Variants in ARHGEF10 observed in about 807,000 individuals in gnomAD.
ARHGEF10 encodes Rho guanine nucleotide exchange factor 10.
In ARHGEF10, 140 loss-of-function variants were observed where a neutral mutation model predicts 147.4. The observed-to-expected ratio is 0.95, with a 90% CI of 0.83 to 1.09. The LOEUF (loss-of-function observed/expected upper bound fraction) is 1.09. ARHGEF10 is among the 50% of genes least tolerant of loss of function. The probability of loss-of-function intolerance (pLI) is 0.00; values close to 1 mark genes in which losing one functional copy is unlikely to be tolerated. For synonymous variants in ARHGEF10, 902 were observed against 695.8 expected (o/e 1.30, Z -4.67); for missense variants, 2,222 against 1,752.7 (o/e 1.27, Z -4.78).
chr8:1,895,419 T>C (rs1479299323), intron 13 of ARHGEF10, among the ~76,000 whole-genome samples: 1 of 152,240 alleles, frequency 6.6e-6, no homozygotes, highest in Non-Finnish European at 1.5e-5. Context: ...GTGAAATGTT[T>C]TCCTATATAG....
chr8:1,865,979 A>C lies in ARHGEF10; in HGVS notation c.546-547A>C, dbSNP rs939168142. ...CTGACCTCATCATCCTTCCGAGTGG[A>C]GCATTCCCGTAGCTACCCATTGCAA... On this transcript the variant is annotated intron_variant, in intron 5 of 28. Transcript: ENST00000349830. 4.6e-5 allele frequency among the ~76,000 whole-genome samples: 7 copies of C among 152,136 alleles called. 1 individual carries two copies. In the East Asian group the frequency reaches 7.7e-4, roughly 17 times the overall value.
rs55816869 is a variant in ARHGEF10 at position 1,889,592 on chromosome 8, A to T, written c.1182+3885A>T. ...CACTGAGTGGGGTGAGGGGTTTGTG[A>T]GGAGACACTGAGTGTGGGTGAGGGG... On this transcript the variant is annotated intron_variant, in intron 11 of 28. Transcript: ENST00000349830. 5.2e-4 allele frequency among the ~76,000 whole-genome samples: 27 copies of T among 52,222 alleles called. 8 individuals are homozygous for T. The highest frequency in any genetic ancestry group is 3.4e-3 in the African/African-American group (27 of 7,930). 34.3% of individuals were successfully genotyped at this position (52,222 alleles called of 152,430 possible).
At chr8:1,927,474 G>A (rs1812775273) in intron 23 of ARHGEF10, 1 of 151,970 alleles carries the variant, frequency 6.6e-6, no homozygotes, top group African/African-American at 2.4e-5. Flanking sequence ...AGTGCTTTCT[G>A]TTTACAGGGA....
At chr8:1,840,899 C>T (rs1217550832) in intron 1 of ARHGEF10, among the ~76,000 whole-genome samples, 3 of 152,206 alleles carry the variant, frequency 2.0e-5, no homozygotes, top group African/African-American at 2.4e-5. Flanking sequence ...TACCGCCTCA[C>T]GGGTGCGCTG....
intron 22 of ARHGEF10, among the ~76,000 whole-genome samples, chr8:1,925,678 AG>A (rs1195270469): frequency 1.3e-5 from 2 of 152,218 alleles, no homozygotes; most frequent in Non-Finnish European, 2.9e-5. Context: ...TGTTAGTTAA[AG>A]AGGGGACACG....
chr8:1,934,052 T>G, intron 26 of ARHGEF10, 110 bp downstream of exon 26: 1 of 1,469,446 alleles, frequency 6.8e-7, no homozygotes, highest in Non-Finnish European at 9.4e-7. Context: ...AATTTCCTTC[T>G]AGCCGGGCAC....
intron 6 of ARHGEF10, among the ~76,000 whole-genome samples, chr8:1,868,120 G>A (rs571872034): frequency 6.6e-6 from 1 of 152,284 alleles, no homozygotes; most frequent in South Asian, 2.1e-4. Context: ...TTATCTAAGA[G>A]GAGTAGAAAT....
chr8:1,861,104 C>T lies in ARHGEF10; in HGVS notation c.481+920C>T, dbSNP rs576182984. Among the ~76,000 whole-genome samples, 15 of 152,348 alleles carry T rather than the reference C, an allele frequency of 9.8e-5. No individual in the cohort carries two copies. The South Asian group carries it at 3.1e-3, about 32-fold the overall frequency. On this transcript the variant is annotated intron_variant, in intron 4 of 28. Transcript: ENST00000349830. The stretch of plus-strand genomic sequence containing the variant: ...TGGGTGCCCTCGTGGGTGCCTCGCT[C>T]ACCTCCGGTCTCTGTGTCCTCAGCG...
intron 17 of ARHGEF10, among the ~76,000 whole-genome samples, 169 bp from the exon 18 acceptor site, chr8:1,909,126 C>T (rs1481906624): frequency 6.6e-6 from 1 of 152,150 alleles, no homozygotes; most frequent in Non-Finnish European, 1.5e-5. Context: ...TTTATGGCAG[C>T]AAGTGGGGAC....
At chr8:1,893,453 C>T (rs1431867063) in intron 11 of ARHGEF10, 116 bp from the exon 12 acceptor site, 3 of 736,270 alleles carry the variant, frequency 4.1e-6, no homozygotes, top group Middle Eastern at 2.5e-4. Context: ...TACCCTTGTG[C>T]ACTGTTTTCT....
chr8:1,921,923 G>C (rs148250552), intron 18 of ARHGEF10, among the ~76,000 whole-genome samples: 122 of 152,080 alleles, frequency 8.0e-4, no homozygotes, highest in African/African-American at 2.9e-3. Flanking sequence ...TTGAATTTTG[G>C]CTCCTTCTCT....
intron 2 of ARHGEF10, among the ~76,000 whole-genome samples, chr8:1,843,868 G>A (rs1353300304): frequency 1.3e-5 from 2 of 152,162 alleles, no homozygotes; most frequent in African/African-American, 4.8e-5. Context: ...GGCCGCTCAG[G>A]GACAAGCACG....
chr8:1,881,553 G>A (rs1457597306), intron 9 of ARHGEF10, among the ~76,000 whole-genome samples: 1 of 152,226 alleles, frequency 6.6e-6, no homozygotes, highest in Non-Finnish European at 1.5e-5. Flanking sequence ...GGAGATGCAG[G>A]AGCAGGGGAG....
intron 27 of ARHGEF10, 163 bp downstream of exon 27, chr8:1,945,818 G>A (rs1814532688): frequency 1.8e-6 from 2 of 1,105,280 alleles, no homozygotes; most frequent in South Asian, 2.6e-5. Flanking sequence ...AGACGTGGGA[G>A]TACGGAGCAT....
At chr8:1,849,945 C>T (rs1354535347) in intron 2 of ARHGEF10, among the ~76,000 whole-genome samples, 14 of 127,968 alleles carry the variant, frequency 1.1e-4, no homozygotes, top group Admixed American at 9.1e-4. Context: ...TGCGTGGACA[C>T]AGAGGGCAAA....
At chr8:1,890,572 AGTGTGTAAGGG>A in intron 11 of ARHGEF10, among the ~76,000 whole-genome samples, 2 of 141,128 alleles carry the variant, frequency 1.4e-5, no homozygotes, top group African/African-American at 5.5e-5. Flanking sequence ...GGAGTCACTG[AGTGTGTAAGGG>A]TCTGTGAGGA....
chr8:1,938,616 A>G (rs1813814879), intron 26 of ARHGEF10, among the ~76,000 whole-genome samples: 1 of 152,218 alleles, frequency 6.6e-6, no homozygotes, highest in African/African-American at 2.4e-5. Flanking sequence ...AATTCTTGTC[A>G]TTGTGTAGAA....
chr8:1,832,995 CAGAGACAGGCAGAG>C (rs1803303729), intron 1 of ARHGEF10, among the ~76,000 whole-genome samples: 1 of 47,282 alleles, frequency 2.1e-5, no homozygotes. Flanking sequence ...GAGACAGAGG[CAGAGACAGGCAGAG>C]AGAGACAGAG....
rs549904280 is a variant in ARHGEF10, at chr8:1,941,862, TCAACAGGTGCTGCTGGCA to T, written c.3223-3596_3223-3579del. 4.4e-3 allele frequency among the ~76,000 whole-genome samples: 673 copies of T among 152,288 alleles called. 2 individuals carry two copies. The highest frequency in any genetic ancestry group is 0.014 in the African/African-American group (571 of 41,550). ...TCCATTTGAATGTTGAATGGCCTCT[TCAACAGGTGCTGCTGGCA>T]CAACAGGTGCTGCTGGCACAACTTC... On this transcript the variant is annotated intron_variant, in intron 26 of 28. Coordinates refer to ENST00000349830, the MANE Select transcript of ARHGEF10 (RefSeq NM_014629.4).
Sources: gnomAD v4.1 joint callset for allele counts (sites outside exome capture counted in the v4.1 genomes callset) on GRCh38, gnomAD v4.1.1 for gene constraint, MANE v1.5 for transcripts, NCBI Gene and HGNC (gene_info 2026-07-23, HGNC 2026-07-21) for gene names.